The following KLF12 variants were observed in gnomAD, a reference collection of about 807,000 sequenced individuals.
The protein encoded by KLF12 is Krueppel-like factor 12.
In KLF12, 9 loss-of-function variants were observed where a neutral mutation model predicts 37.8. That is an observed-to-expected ratio of 0.24 (90% confidence interval 0.14 to 0.42). The LOEUF (loss-of-function observed/expected upper bound fraction) is 0.42, where lower values mean the gene tolerates loss of function less well. KLF12 is among the 10% of genes least tolerant of loss of function. KLF12 has a pLI of 1.00. For synonymous variants in KLF12, 208 were observed against 202.1 expected, an observed-to-expected ratio of 1.03 and a Z score of -0.25; for missense variants, 411 against 516.0, an observed-to-expected ratio of 0.80 and a Z score of 1.97.
chr13:74,092,086 G>A (rs1593892774), intron 1 of KLF12, among the ~76,000 whole-genome samples: 2 of 150,398 alleles, frequency 1.3e-5, no homozygotes, highest in Non-Finnish European at 3.0e-5. Flanking sequence ...TCAAGAGATC[G>A]AGACCATCCT....
intron 5 of KLF12, among the ~76,000 whole-genome samples, chr13:73,811,482 A>C (rs1882939442): frequency 6.6e-6 from 1 of 152,188 alleles, no homozygotes; most frequent in Non-Finnish European, 1.5e-5. Flanking sequence ...CGTGGTTATA[A>C]ACTTAAACTA....
At chr13:74,211,425 G>A in the KLF12 span, among the ~76,000 whole-genome samples, 10 of 152,138 alleles carry the variant, frequency 6.6e-5, no homozygotes, top group Non-Finnish European at 1.2e-4. Flanking sequence ...TGGTTGGATA[G>A]GATGTTGAAA....
In KLF12 at chr13:73,692,918, C is replaced by T. The variant is rs1873897295; in HGVS notation, c.*2572G>A. On this transcript the variant is annotated 3_prime_UTR_variant, in exon 8 of 8. Coordinates refer to ENST00000377669, the MANE Select transcript of KLF12 (RefSeq NM_007249.5). Reference sequence around the variant, plus strand: ...AGGGAAAATGTTCCCTTCCCCAAATCCATCCTATGTTATTAGAAAAGTGCA... The same window carrying T: ...AGGGAAAATGTTCCCTTCCCCAAATTCATCCTATGTTATTAGAAAAGTGCA... The T allele has an allele frequency of 1.3e-5, 2 of 152,520 alleles. No individual in the cohort carries two copies. The highest frequency in any genetic ancestry group is 2.1e-4 in the South Asian group (1 of 4,826). The allele number at this position is 152,520 out of a possible 1,614,324, so 9.4% of individuals were successfully genotyped here.
chr13:74,149,377 T>C, the KLF12 span, among the ~76,000 whole-genome samples: 1 of 152,208 alleles, frequency 6.6e-6, no homozygotes, highest in African/African-American at 2.4e-5. Context: ...GTAATCTTCT[T>C]CATCTCAATA....
the KLF12 span, among the ~76,000 whole-genome samples, chr13:74,172,752 G>A: frequency 2.0e-5 from 3 of 152,092 alleles, no homozygotes; most frequent in Non-Finnish European, 4.4e-5. Flanking sequence ...GAGATGGCCC[G>A]GGTTGACTAA....
the KLF12 span, among the ~76,000 whole-genome samples, chr13:74,167,259 A>G: frequency 6.6e-6 from 1 of 152,224 alleles, no homozygotes; most frequent in African/African-American, 2.4e-5. Context: ...AGCAGGTTCT[A>G]TGGGGAGAGG....
intron 7 of KLF12, among the ~76,000 whole-genome samples, chr13:73,706,034 C>T (rs934015948): frequency 1.3e-5 from 2 of 152,150 alleles, no homozygotes; most frequent in African/African-American, 4.8e-5. Flanking sequence ...CACTTGTAGT[C>T]CCAGCCACTT....
the KLF12 span, among the ~76,000 whole-genome samples, chr13:74,157,154 A>G: frequency 0.18 from 27,473 of 152,184 alleles, 2,937 homozygotes; most frequent in African/African-American, 0.3. Flanking sequence ...CTAATTTTCT[A>G]TTATATAGAG....
chr13:74,053,538 C>T (rs2138609347), intron 1 of KLF12, among the ~76,000 whole-genome samples: 1 of 152,144 alleles, frequency 6.6e-6, no homozygotes, highest in East Asian at 1.9e-4. Context: ...AGTTAAAAGC[C>T]CGCTCAAAGA....
Position 73,769,249 on chromosome 13 carries a change from G to C in KLF12, c.807-4249C>G, listed in dbSNP as rs141970899. Among the ~76,000 whole-genome samples the C allele has an allele frequency of 9.1e-3, 1,385 of 152,194 alleles. 16 individuals are homozygous for C. Among genetic ancestry groups the C allele is most frequent in the South Asian group, 0.021 (102 of 4,822 alleles). ...GCTTCCTCACATTCCATTTTCTCTAGAATCCAATGTAGTTGGTATCCACAC... is the reference window on the plus strand; with the variant it reads ...GCTTCCTCACATTCCATTTTCTCTACAATCCAATGTAGTTGGTATCCACAC... On this transcript the variant is annotated intron_variant, in intron 5 of 7. Transcript: ENST00000377669.
chr13:74,100,028 TAC>T (rs10561995), intron 1 of KLF12, among the ~76,000 whole-genome samples: 2,248 of 151,950 alleles, frequency 0.015, 40 homozygotes, highest in African/African-American at 0.052. Flanking sequence ...TGACACCAAG[TAC>T]ACAGAGTGTG....
the KLF12 span, among the ~76,000 whole-genome samples, chr13:74,160,694 A>T: frequency 6.6e-6 from 1 of 152,170 alleles, no homozygotes; most frequent in African/African-American, 2.4e-5. Context: ...TAATCCAGAA[A>T]GGGAAGAAAC....
intron 2 of KLF12, among the ~76,000 whole-genome samples, chr13:73,977,105 CGGT>C (rs1372351751): frequency 6.6e-6 from 1 of 150,780 alleles, no homozygotes; most frequent in Non-Finnish European, 1.5e-5. Flanking sequence ...GATTGGAGTC[CGGT>C]GGCATGATCT....
chr13:74,231,460 G>C, the KLF12 span: 70 of 152,346 alleles, frequency 4.6e-4, no homozygotes, highest in African/African-American at 1.5e-3. Flanking sequence ...ACCCGTAGAA[G>C]TTAAGTGATG....
the KLF12 span, among the ~76,000 whole-genome samples, chr13:74,148,488 C>G: frequency 7.4e-6 from 1 of 134,992 alleles, no homozygotes; most frequent in African/African-American, 2.7e-5. Context: ...CTTTCACTCC[C>G]CCCCCACCCC....
At chr13:73,800,884 G>C (rs1038563747) in intron 5 of KLF12, 3 of 151,986 alleles carry the variant, frequency 2.0e-5, no homozygotes, top group Admixed American at 1.3e-4. Context: ...CAGTAATTTT[G>C]CAGAAAACTA....
At position 73,926,631 on chromosome 13, in the gene KLF12, T is replaced by TC. The variant is rs981360137; in HGVS notation, c.123+17349_123+17350insG. 5.8e-4 allele frequency among the ~76,000 whole-genome samples: 8 copies of TC among 13,876 alleles called. No homozygotes were observed. The South Asian group carries it at 0.036, about 63-fold the overall frequency. 9.1% of individuals were successfully genotyped at this position (13,876 alleles called of 152,430 possible). A position where few individuals can be genotyped will look rare whatever the true frequency, so the allele number is the denominator to read the frequency against. The stretch of plus-strand genomic sequence containing the variant: ...TCAATGCTCCTTTTCTCTCTCTCTC[T>TC]TTTTTTTTTTTTTAACATAAATAAA... On this transcript the variant is annotated intron_variant, in intron 3 of 7. Coordinates refer to ENST00000377669, the MANE Select transcript of KLF12 (RefSeq NM_007249.5).
chr13:74,093,090 A>G (rs1875773678), intron 1 of KLF12, among the ~76,000 whole-genome samples: 1 of 152,164 alleles, frequency 6.6e-6, no homozygotes. Context: ...GTTAAACCAA[A>G]CTAATCCTGG....
chr13:74,008,086 C>A (rs370120866), intron 1 of KLF12, among the ~76,000 whole-genome samples: 14 of 152,260 alleles, frequency 9.2e-5, no homozygotes, highest in Middle Eastern at 3.4e-3. Flanking sequence ...AATATTTTAT[C>A]TGGGTGGTAG....
Sources: gnomAD v4.1 joint callset for allele counts (sites outside exome capture counted in the v4.1 genomes callset) on GRCh38, gnomAD v4.1.1 for gene constraint, MANE v1.5 for transcripts, NCBI Gene and HGNC (gene_info 2026-07-23, HGNC 2026-07-21) for gene names.